PLXND1: variants seen among roughly 807,000 people sequenced by gnomAD.
PLXND1 encodes the protein plexin D1, also known as plexin-D1.
A neutral mutation model predicts 197.7 loss-of-function variants in PLXND1; 54 were observed. That is an observed-to-expected ratio of 0.27 (90% confidence interval 0.22 to 0.34). The LOEUF is 0.34. Ranked by LOEUF, PLXND1 falls within the 10% of genes least tolerant of loss-of-function variation. PLXND1 has a pLI of 1.00. For synonymous variants in PLXND1, 1,180 were observed against 1,161.2 expected, an observed-to-expected ratio of 1.02 and a Z score of -0.33; for missense variants, 2,127 against 2,699.2, an observed-to-expected ratio of 0.79 and a Z score of 4.70.
rs772894071 is a variant in PLXND1 at position 129,570,910 on chromosome 3, T to C, written c.3626A>G (p.Gln1209Arg). ...IHKEQDSLGL[Q>R]SHEYRVKIGQ... ...TATCTTGACCCGGTACTCGTGACTC[T>C]GGAGCCCCAGGCTGTCCTGCTCCTT... The change falls in exon 19 of 36, where the codon CAG becomes CGG. Residue 1209 changes from glutamine (Q) to arginine (R), a missense_variant. This residue lies in a region of PLXND1 where 532 missense variants were observed against 811.0 expected (regional missense o/e 0.66). Transcript: ENST00000324093. 2.5e-6 allele frequency: 4 copies of C among 1,614,248 alleles called. No individual in the cohort carries two copies. Among genetic ancestry groups the C allele is most frequent in the Non-Finnish European group, 2.5e-6 (3 of 1,180,034 alleles).
In PLXND1 at chr3:129,555,728, G is replaced by A. The variant is rs925666150; in HGVS notation, c.*584C>T. The A allele has an allele frequency of 5.1e-5, 26 of 508,880 alleles. No homozygotes were observed. The highest frequency in any genetic ancestry group is 1.4e-4 in the East Asian group (4 of 28,896). 31.5% of individuals were successfully genotyped at this position (508,880 alleles called of 1,614,324 possible). On this transcript the variant is annotated 3_prime_UTR_variant, in exon 36 of 36. Transcript: ENST00000324093. The stretch of plus-strand genomic sequence containing the variant: ...AGAAGCCCACAGAGCACCCCATGGC[G>A]CGGGCACTGCCCACTCTACCAACAG...
In PLXND1 at chr3:129,565,961, T is replaced by C. The variant is rs934193326; in HGVS notation, c.4248A>G (p.Leu1416=). 9 of 1,613,952 alleles carry C rather than the reference T, an allele frequency of 5.6e-6. No individual in the cohort carries two copies. The highest frequency in any genetic ancestry group is 7.6e-6 in the Non-Finnish European group (9 of 1,179,898). The change falls in exon 24 of 36, where the codon CTA becomes CTG. Residue 1416 remains leucine (L), a synonymous_variant. Coordinates refer to ENST00000324093, the MANE Select transcript of PLXND1 (RefSeq NM_015103.3). ...MEEGISLFSS[L]LNNKHFLIVF... ...CGATGAGGAAGTGCTTGTTGTTGAG[T>C]AGTGAGGAGAACAAGCTAATTCCCT... is the stretch of plus-strand genomic sequence containing the variant.
Position 129,557,057 on chromosome 3 carries a change from C to T in PLXND1, c.5586+26G>A. The T allele has an allele frequency of 6.2e-7, 1 of 1,611,780 alleles. No individual in the cohort carries two copies. The highest frequency in any genetic ancestry group is 8.5e-7 in the Non-Finnish European group (1 of 1,179,604). ...CCGATCCCTCAGCTCTTCAGGCCCC[C>T]ATCCCCCGCCGCCGAGCCACCGCAC... On this transcript the variant is annotated intron_variant, in intron 34 of 35. Coordinates refer to ENST00000324093, the MANE Select transcript of PLXND1 (RefSeq NM_015103.3). The surrounding 1 kb of genome is among the most constrained non-coding windows in gnomAD (Gnocchi z 4.8).
intron 1 of PLXND1, among the ~76,000 whole-genome samples, chr3:129,590,843 C>T (rs2085529578): frequency 6.6e-6 from 1 of 152,192 alleles, no homozygotes; most frequent in African/African-American, 2.4e-5. Context: ...GACTTGAGCC[C>T]ATGCCTCAGC....
chr3:129,557,182 A>G lies in PLXND1; in HGVS notation c.5487T>C (p.Pro1829=). ...TNKLLYAKEI[P]EYRKIVQRYY... is the part of the protein sequence containing the mutation. ...AGCGCTGCACGATCTTCCGGTACTC[A>G]GGAATCTCCTTGGCGTAGAGGAGCT... The change falls in exon 34 of 36, where the codon CCT becomes CCC. Residue 1829 remains proline (P), a synonymous_variant. Transcript: ENST00000324093. This position sits in a 1 kb window ranked among gnomAD's most constrained non-coding sequence, Gnocchi z 4.8. 6.2e-7 allele frequency: 1 copy of G among 1,614,158 alleles called. No homozygotes were observed. The highest frequency in any genetic ancestry group is 8.5e-7 in the Non-Finnish European group (1 of 1,180,020).
intron 23 of PLXND1, 119 bp from the exon 24 acceptor site, chr3:129,566,136 C>T: frequency 1.0e-6 from 1 of 1,003,650 alleles, no homozygotes; most frequent in Non-Finnish European, 1.5e-6. Context: ...CATTACCTTC[C>T]ACGGTGGATG....
chr3:129,567,952 G>A, intron 20 of PLXND1, 147 bp from the exon 21 acceptor site: 1 of 240,312 alleles, frequency 4.2e-6, no homozygotes. Flanking sequence ...CAGGGTTGGG[G>A]TGGGGGGTGG....
In PLXND1 at chr3:129,559,649, G is replaced by C. The variant is rs75141161; in HGVS notation, c.5268C>G (p.Pro1756=). ...EQAEKRGISD[P]DTLHIWKTNS... is the part of the protein sequence containing the mutation. ...TGGTCTTCCAGATGTGTAGGGTGTC[G>C]GGGTCGGAGATTCCCCTCTTCTCAG... Residue 1756 remains proline (P), a synonymous_variant, in exon 32 of 36, where the codon CCC becomes CCG. Coordinates refer to ENST00000324093, the MANE Select transcript of PLXND1 (RefSeq NM_015103.3). 2.5e-6 allele frequency: 4 copies of C among 1,611,796 alleles called. No individual in the cohort carries two copies. The highest frequency in any genetic ancestry group is 2.2e-5 in the South Asian group (2 of 90,618).
intron 1 of PLXND1, among the ~76,000 whole-genome samples, chr3:129,592,910 G>A (rs1010912987): frequency 8.5e-5 from 13 of 152,064 alleles, no homozygotes; most frequent in African/African-American, 1.2e-4. Context: ...AGGGGGACAC[G>A]GGACTCGGGG....
chr3:129,606,236 C>A lies in PLXND1; in HGVS notation c.404G>T (p.Gly135Val), dbSNP rs773670982. ...NKILQLDPGQ[G>V]LVVVCGSIYQ... ...GATGGACCCGCACACGACTACCAGGCCCTGGCCGGGGTCCAGCTGCAGGAT... is the reference window on the plus strand; with the variant it reads ...GATGGACCCGCACACGACTACCAGGACCTGGCCGGGGTCCAGCTGCAGGAT... The change falls in exon 1 of 36, where the codon GGC (glycine) becomes GTC (valine). Residue 135 changes from glycine (G) to valine (V), a missense_variant. Transcript: ENST00000324093. The A allele has an allele frequency of 1.6e-5, 25 of 1,575,186 alleles. No individual in the cohort carries two copies. The East Asian group carries it at 5.5e-4, about 35-fold the overall frequency.
In PLXND1 at chr3:129,571,533, G is replaced by C; in HGVS notation, c.3312C>G (p.Val1104=). The stretch of plus-strand genomic sequence containing the variant: ...CCGTGGGCTCCCGGCCAATGTGGTG[G>C]ACGGCCATGGACACATTCTGCACCA... ...FHMVQNVSMA[V]HHIGREPTLC... The change falls in exon 17 of 36, where the codon GTC becomes GTG. Residue 1104 remains valine, a synonymous_variant. Coordinates refer to ENST00000324093, the MANE Select transcript of PLXND1 (RefSeq NM_015103.3). 6.2e-7 allele frequency: 1 copy of C among 1,613,648 alleles called. No homozygotes were observed. Among genetic ancestry groups the C allele is most frequent in the Non-Finnish European group, 8.5e-7 (1 of 1,179,962 alleles).
At chr3:129,568,536 T>C (rs1042563492) in intron 20 of PLXND1, among the ~76,000 whole-genome samples, 1 of 152,164 alleles carries the variant, frequency 6.6e-6, no homozygotes, top group African/African-American at 2.4e-5. Context: ...AAGTGTATAC[T>C]TCAATGGTTT....
chr3:129,567,399 T>C (rs756589895), intron 22 of PLXND1, 93 bp downstream of exon 22: 69 of 760,510 alleles, frequency 9.1e-5, no homozygotes, highest in Non-Finnish European at 1.4e-4. Flanking sequence ...TTGGCACTGC[T>C]CAAGGGACCC....
intron 14 of PLXND1, 25 bp downstream of exon 14, chr3:129,572,817 A>G (rs2085255846): frequency 1.2e-6 from 2 of 1,612,926 alleles, no homozygotes; most frequent in East Asian, 2.2e-5. Flanking sequence ...GGCGGGCCGG[A>G]CAGTGGGCTG....
rs758692586 is a variant in PLXND1 at position 129,565,884 on chromosome 3, G to T, written c.4322+3C>A. 6.2e-7 allele frequency: 1 copy of T among 1,613,940 alleles called. No individual in the cohort carries two copies. Among genetic ancestry groups the T allele is most frequent in the Non-Finnish European group, 8.5e-7 (1 of 1,179,948 alleles). On this transcript the variant is annotated splice_donor_region_variant and intron_variant, in intron 24 of 35. Coordinates refer to ENST00000324093, the MANE Select transcript of PLXND1 (RefSeq NM_015103.3). ...ACCCCACCCCAGTCTGTCACAGCCTGACCTGTCGCGCACCGCAAAGTCCTT... is the reference window on the plus strand; with the variant it reads ...ACCCCACCCCAGTCTGTCACAGCCTTACCTGTCGCGCACCGCAAAGTCCTT...
chr3:129,605,961 G>C lies in PLXND1; in HGVS notation c.679C>G (p.Leu227Val). 6.2e-7 allele frequency: 1 copy of C among 1,612,468 alleles called. No individual in the cohort carries two copies. Among genetic ancestry groups the C allele is most frequent in the Non-Finnish European group, 8.5e-7 (1 of 1,179,822 alleles). ...GTGTTCTCGAAGCGGTGGTCCTCCA[G>C]GCTGCGGTTGCGCGGGAAGAAGGAG... ...GSSFFPRNRS[L>V]EDHRFENTPE... The change falls in exon 1 of 36, where the codon CTG becomes GTG. Residue 227 changes from leucine (L) to valine (V), a missense_variant. Leu to Val is a conservative substitution (Grantham distance 32). Transcript: ENST00000324093.
chr3:129,589,307 G>GCCTGCCCCCCCCCCCCCCCCCCCC, intron 2 of PLXND1, 44 bp downstream of exon 2: 1 of 684,692 alleles, frequency 1.5e-6, no homozygotes, highest in East Asian at 3.6e-5. Flanking sequence ...TCCCAGGGGA[G>GCCTGCCCCCCCCCCCCCCCCCCCC]CCTCCCACCC....
At chr3:129,569,784 G>A in intron 20 of PLXND1, 59 bp downstream of exon 20, 3 of 923,634 alleles carry the variant, frequency 3.2e-6, no homozygotes, top group South Asian at 2.6e-5. Context: ...ATCTTCAGAG[G>A]GGCTGGGGCA....
Position 129,562,778 on chromosome 3 carries a change from C to A in PLXND1, c.4825+9G>T. 6.3e-7 allele frequency: 1 copy of A among 1,587,188 alleles called. No homozygotes were observed. The highest frequency in any genetic ancestry group is 1.1e-5 in the South Asian group (1 of 89,804). On this transcript the variant is annotated intron_variant, in intron 27 of 35. Coordinates refer to ENST00000324093, the MANE Select transcript of PLXND1 (RefSeq NM_015103.3). ...CTGACACGGGGTCTCTGCCCCCATT[C>A]CCACCCACCAAGGTCGACGTCCTCT...
Sources: gnomAD v4.1 joint callset for allele counts (sites outside exome capture counted in the v4.1 genomes callset) on GRCh38, gnomAD v4.1.1 for gene constraint, gnomAD v4.1.1 regional missense constraint, Gnocchi (gnomAD v3.1) non-coding constraint, MANE v1.5 for transcripts, NCBI Gene and HGNC (gene_info 2026-07-23, HGNC 2026-07-21) for gene names.